The following PALD1 variants were observed in gnomAD, a reference collection of about 807,000 sequenced individuals.
PALD1 encodes the protein paladin.
In PALD1, 57 loss-of-function variants were observed where a neutral mutation model predicts 96.0. That is an observed-to-expected ratio of 0.59 (90% CI 0.48 to 0.74). The LOEUF is 0.74. Ranked by LOEUF, PALD1 falls within the 30% of genes least tolerant of loss-of-function variation. The probability of loss-of-function intolerance (pLI) is 0.00; values close to 1 mark genes in which losing one functional copy is unlikely to be tolerated. For missense variants in PALD1, 1,063 were observed against 1,143.7 expected, an observed-to-expected ratio of 0.93 and a Z score of 1.02; for synonymous variants, 464 against 473.6, an observed-to-expected ratio of 0.98 and a Z score of 0.26.
At chr10:70,487,130 A>ATTTTTTTTTTTTTTTTT in intron 1 of PALD1, among the ~76,000 whole-genome samples, 1 of 110,424 alleles carries the variant, frequency 9.1e-6, no homozygotes, top group Non-Finnish European at 1.8e-5. Flanking sequence ...TCTGAGCCCA[A>ATTTTTTTTTTTTTTTTT]TTTTTTTTTT....
chr10:70,515,021 G>A (rs530435927), intron 1 of PALD1, among the ~76,000 whole-genome samples: 6 of 152,360 alleles, frequency 3.9e-5, no homozygotes, highest in African/African-American at 1.4e-4. Flanking sequence ...TCAGGAATAA[G>A]TACCATTGCT....
chr10:70,521,852 C>T lies in PALD1; in HGVS notation c.-29-4071C>T, dbSNP rs1054570617. Among the ~76,000 whole-genome samples, 6 of 150,890 alleles carry T rather than the reference C, an allele frequency of 4.0e-5. 1 individual carries two copies. Among genetic ancestry groups the T allele is most frequent in the African/African-American group, 1.5e-4 (6 of 41,182 alleles). On this transcript the variant is annotated intron_variant, in intron 1 of 19. Coordinates refer to ENST00000263563, the MANE Select transcript of PALD1 (RefSeq NM_014431.3). Reference sequence around the variant, plus strand: ...AGCTGGTTTCCTCTTTTTTTTTGTGCCAAGGACCCCCAAGCAGAAGCCCAT... The same window carrying T: ...AGCTGGTTTCCTCTTTTTTTTTGTGTCAAGGACCCCCAAGCAGAAGCCCAT...
intron 1 of PALD1, among the ~76,000 whole-genome samples, chr10:70,480,188 C>A (rs546771153): frequency 6.6e-6 from 1 of 152,346 alleles, no homozygotes; most frequent in South Asian, 2.1e-4. Context: ...CTCATCCCCA[C>A]CCACTCCCAG....
intron 1 of PALD1, among the ~76,000 whole-genome samples, chr10:70,493,151 G>C (rs1846127774): frequency 6.6e-6 from 1 of 152,172 alleles, no homozygotes. Context: ...TCAGGGCCTT[G>C]CTGTGTTGCC....
intron 18 of PALD1, among the ~76,000 whole-genome samples, chr10:70,549,995 C>T (rs989761688): frequency 2.0e-5 from 3 of 152,212 alleles, no homozygotes; most frequent in African/African-American, 7.2e-5. Flanking sequence ...CCCCAAGGCC[C>T]CTTGGAGGGC....
intron 1 of PALD1, among the ~76,000 whole-genome samples, chr10:70,520,594 C>G (rs992971005): frequency 6.6e-6 from 1 of 152,100 alleles, no homozygotes; most frequent in African/African-American, 2.4e-5. Flanking sequence ...GAGCTAATGT[C>G]CCACCTTTTG....
chr10:70,471,118 G>A, the PALD1 span, among the ~76,000 whole-genome samples: 4 of 151,778 alleles, frequency 2.6e-5, no homozygotes, highest in African/African-American at 9.7e-5. Flanking sequence ...CACCGTGTCC[G>A]GCCTGAATTT....
At position 70,539,870 on chromosome 10, in the gene PALD1, G is replaced by C; in HGVS notation, c.1908+108G>C. On this transcript the variant is annotated intron_variant, in intron 15 of 19. Coordinates refer to ENST00000263563, the MANE Select transcript of PALD1 (RefSeq NM_014431.3). The surrounding 1 kb of genome is among the most constrained non-coding windows in gnomAD (Gnocchi z 4.5). ...TGAAACGACCCCAGCTTCTCTACGG[G>C]GCCCGGGAATGGTCTCACGAGGTTT... 1.0e-6 allele frequency: 1 copy of C among 964,984 alleles called. No individual in the cohort carries two copies. The highest frequency in any genetic ancestry group is 2.6e-5 in the Admixed American group (1 of 37,868). 59.8% of individuals were successfully genotyped at this position (964,984 alleles called of 1,614,324 possible).
At chr10:70,489,946 G>C (rs1441984328) in intron 1 of PALD1, among the ~76,000 whole-genome samples, 1 of 150,814 alleles carries the variant, frequency 6.6e-6, no homozygotes, top group Non-Finnish European at 1.5e-5. Context: ...TTCTTGAGAT[G>C]GAGTCTCGCT....
intron 1 of PALD1, among the ~76,000 whole-genome samples, chr10:70,489,173 C>T (rs535629796): frequency 2.6e-5 from 4 of 152,230 alleles, no homozygotes; most frequent in South Asian, 2.1e-4. Flanking sequence ...GCCCAGCCTA[C>T]GTGGGTGGAG....
chr10:70,492,602 A>G (rs1329210725), intron 1 of PALD1, among the ~76,000 whole-genome samples: 1 of 151,696 alleles, frequency 6.6e-6, no homozygotes, highest in African/African-American at 2.4e-5. Context: ...GATTACAGGT[A>G]CCTGCCACCA....
chr10:70,539,831 G>A lies in PALD1; in HGVS notation c.1908+69G>A. On this transcript the variant is annotated intron_variant, in intron 15 of 19. Coordinates refer to ENST00000263563, the MANE Select transcript of PALD1 (RefSeq NM_014431.3). This position sits in a 1 kb window ranked among gnomAD's most constrained non-coding sequence, Gnocchi z 4.5. ...GGCCTCCCTGTCTCCCCTCTGGTCT[G>A]GGCTCTGGGAGAATGAAACGACCCC... is the stretch of plus-strand genomic sequence containing the variant. 7.1e-7 allele frequency: 1 copy of A among 1,405,216 alleles called. No homozygotes were observed. The allele number at this position is 1,405,216 out of a possible 1,614,324, so 87.0% of individuals were successfully genotyped here.
intron 1 of PALD1, among the ~76,000 whole-genome samples, chr10:70,494,191 T>G (rs2132276615): frequency 6.6e-6 from 1 of 152,338 alleles, no homozygotes; most frequent in South Asian, 2.1e-4. Context: ...TCCTTCAGTC[T>G]TTACTCTCAT....
intron 18 of PALD1, among the ~76,000 whole-genome samples, chr10:70,548,046 C>T (rs376246446): frequency 7.2e-5 from 11 of 152,290 alleles, no homozygotes; most frequent in African/African-American, 2.6e-4. Context: ...TGGCTCACCC[C>T]TGTAATCCTA....
intron 1 of PALD1, among the ~76,000 whole-genome samples, chr10:70,502,261 T>C (rs1846313983): frequency 6.6e-6 from 1 of 152,214 alleles, no homozygotes; most frequent in East Asian, 1.9e-4. Flanking sequence ...AATGGAATCA[T>C]GTAGTATTTG....
At chr10:70,484,846 C>T (rs1845991298) in intron 1 of PALD1, among the ~76,000 whole-genome samples, 1 of 152,200 alleles carries the variant, frequency 6.6e-6, no homozygotes, top group African/African-American at 2.4e-5. Flanking sequence ...GCTGCAACTG[C>T]CCATTCTTTT....
intron 2 of PALD1, among the ~76,000 whole-genome samples, 194 bp downstream of exon 2, chr10:70,526,330 T>C (rs1846866967): frequency 6.6e-6 from 1 of 152,220 alleles, no homozygotes; most frequent in Non-Finnish European, 1.5e-5. Context: ...AGCTGGTCTC[T>C]GTCATGGGTC....
chr10:70,484,201 C>T (rs1243206834), intron 1 of PALD1, among the ~76,000 whole-genome samples: 7 of 152,116 alleles, frequency 4.6e-5, no homozygotes, highest in African/African-American at 1.4e-4. Context: ...TGGGGTTTCA[C>T]CGCATTGGCC....
At chr10:70,563,895 G>A (rs1847789097) in intron 18 of PALD1, among the ~76,000 whole-genome samples, 1 of 152,178 alleles carries the variant, frequency 6.6e-6, no homozygotes, top group African/African-American at 2.4e-5. Context: ...TCATACCCTC[G>A]CCGAGGGAGG....
Sources: gnomAD v4.1 joint callset for allele counts (sites outside exome capture counted in the v4.1 genomes callset) on GRCh38, gnomAD v4.1.1 for gene constraint, Gnocchi (gnomAD v3.1) non-coding constraint, MANE v1.5 for transcripts, NCBI Gene and HGNC (gene_info 2026-07-23, HGNC 2026-07-21) for gene names.